E4F1: variants seen among roughly 807,000 people sequenced by gnomAD.
E4F1 encodes the protein transcription factor E4F1.
Under a neutral mutation model 72.9 loss-of-function variants are expected in E4F1, and 30 were observed. The ratio of observed to expected loss-of-function variants is 0.41; its 90% CI spans 0.31 to 0.56. The LOEUF (loss-of-function observed/expected upper bound fraction) is 0.56. Ranked by LOEUF, E4F1 falls within the 20% of genes least tolerant of loss-of-function variation. The probability of loss-of-function intolerance (pLI) is 0.25; values close to 1 mark genes in which losing one functional copy is unlikely to be tolerated. For synonymous variants in E4F1, 542 were observed against 478.2 expected, an observed-to-expected ratio of 1.13 and a Z score of -1.74; for missense variants, 1,091 against 1,117.5, an observed-to-expected ratio of 0.98 and a Z score of 0.34.
intron 2 of E4F1, among the ~76,000 whole-genome samples, chr16:2,229,248 C>G (rs924911704): frequency 5.3e-5 from 8 of 152,268 alleles, no homozygotes; most frequent in Non-Finnish European, 1.2e-4. Context: ...TGCCATTGTT[C>G]CTGCAGACTG....
intron 1 of E4F1, among the ~76,000 whole-genome samples, chr16:2,224,593 T>A (rs1234592553): frequency 1.3e-5 from 2 of 151,256 alleles, no homozygotes; most frequent in African/African-American, 4.9e-5. Flanking sequence ...ATGGAGACCA[T>A]CCTGGCCAAC....
chr16:2,229,884 G>T, intron 3 of E4F1: 1 of 560,768 alleles, frequency 1.8e-6, no homozygotes, highest in Non-Finnish European at 3.2e-6. Flanking sequence ...ACAGTGGCCG[G>T]GGGCACACCC....
chr16:2,228,334 C>T (rs369561300), intron 1 of E4F1, 38 bp from the exon 2 acceptor site: 575 of 1,612,544 alleles, frequency 3.6e-4, no homozygotes, highest in South Asian at 8.5e-4. Flanking sequence ...GCCCAGCCTC[C>T]GCCTTCCCAG....
At position 2,234,182 on chromosome 16, in the gene E4F1, T is replaced by C; in HGVS notation, c.1387T>C (p.Phe463Leu). 1.2e-6 allele frequency: 2 copies of C among 1,611,906 alleles called. No homozygotes were observed. The highest frequency in any genetic ancestry group is 4.5e-5 in the East Asian group (2 of 44,882). ...HKRGHTGPRPFACAQCGKAFP... is the reference protein window; with the variant it reads ...HKRGHTGPRPLACAQCGKAFP... ...GTGTGTGGCTGCAGGGCCGAGGCCGTTCGCCTGCGCGCAGTGTGGCAAGGC... is the reference window on the plus strand; with the variant it reads ...GTGTGTGGCTGCAGGGCCGAGGCCGCTCGCCTGCGCGCAGTGTGGCAAGGC... The change falls in exon 10 of 14, where the codon TTC becomes CTC. Residue 463 changes from phenylalanine to leucine, a missense_variant. By Grantham distance (22) the Phe-to-Leu change is conservative (BLOSUM62 0). Around this residue, in one of 5 missense-constraint regions of E4F1, gnomAD observed 622 missense variants for 628.0 expected, o/e 0.99. Coordinates refer to ENST00000301727, the MANE Select transcript of E4F1 (RefSeq NM_004424.5).
chr16:2,235,556 A>G lies in E4F1; in HGVS notation c.2339A>G (p.Gln780Arg). The change falls in exon 14 of 14, where the codon CAG (glutamine) becomes CGG (arginine). Residue 780 changes from glutamine to arginine, a missense_variant. By Grantham distance (43) the Gln-to-Arg change is conservative (BLOSUM62 1). This residue lies in a region of E4F1 where 622 missense variants were observed against 628.0 expected (regional missense o/e 0.99). Transcript: ENST00000301727. ...TCGCCGGAGGGCCAGCTGGAGGTGC[A>G]GACGGTCATCGTCTAGCATGAGGTC... ...IASPEGQLEV[Q>R]TVIV 3.8e-6 allele frequency: 6 copies of G among 1,598,298 alleles called. No individual in the cohort carries two copies. Among genetic ancestry groups the G allele is most frequent in the Non-Finnish European group, 5.1e-6 (6 of 1,170,054 alleles).
At position 2,233,907 on chromosome 16, in the gene E4F1, T is replaced by G. The variant is rs773785440; in HGVS notation, c.1292T>G (p.Val431Gly). The change falls in exon 9 of 14, where the codon GTG becomes GGG. Residue 431 changes from valine to glycine, a missense_variant. Coordinates refer to ENST00000301727, the MANE Select transcript of E4F1 (RefSeq NM_004424.5). ...ETQVASEASA[V>G]PRTHPCPQCS... ...CAGGTGGCCAGCGAGGCCTCAGCGG[T>G]GCCCAGGACCCACCCATGTCCTCAG... is the stretch of plus-strand genomic sequence containing the variant. The G allele has an allele frequency of 1.2e-6, 2 of 1,600,800 alleles. No individual in the cohort carries two copies. The highest frequency in any genetic ancestry group is 1.1e-5 in the South Asian group (1 of 89,050).
chr16:2,233,782 C>T (rs1048096936), intron 8 of E4F1, 100 bp from the exon 9 acceptor site: 2 of 1,410,412 alleles, frequency 1.4e-6, no homozygotes, highest in African/African-American at 2.9e-5. Flanking sequence ...TTCCCTGGGG[C>T]CACAAGGGAG....
Position 2,233,534 on chromosome 16 carries a change from G to A in E4F1, c.1153G>A (p.Ala385Thr), listed in dbSNP as rs141145527. ...GAACTCCGGCATCGTCCTTGAGCGCGCTGCTGGGGAGGAGGGTGCCCTGGA... is the reference window on the plus strand; with the variant it reads ...GAACTCCGGCATCGTCCTTGAGCGCACTGCTGGGGAGGAGGGTGCCCTGGA... The part of the protein sequence containing the change: ...MQNSGIVLER[A>T]AGEEGALEPA... Residue 385 changes from alanine to threonine, a missense_variant, in exon 8 of 14, where the codon GCT (alanine) becomes ACT (threonine). Physicochemically the swap from Ala to Thr is moderately conservative, Grantham distance 58. Coordinates refer to ENST00000301727, the MANE Select transcript of E4F1 (RefSeq NM_004424.5). 838 of 1,520,324 alleles carry A rather than the reference G, an allele frequency of 5.5e-4. 1 individual carries two copies. Among genetic ancestry groups the A allele is most frequent in the Non-Finnish European group, 6.7e-4 (759 of 1,134,408 alleles). 94.2% of individuals were successfully genotyped at this position (1,520,324 alleles called of 1,614,324 possible). A position where few individuals can be genotyped will look rare whatever the true frequency, so the allele number is the denominator to read the frequency against.
At chr16:2,226,399 GA>G (rs1286852497) in intron 1 of E4F1, among the ~76,000 whole-genome samples, 1 of 152,206 alleles carries the variant, frequency 6.6e-6, no homozygotes, top group Non-Finnish European at 1.5e-5. Flanking sequence ...GTGGGAAGGG[GA>G]AGAGGGTGGT....
chr16:2,223,667 G>A lies in E4F1; in HGVS notation c.54G>A (p.Gln18=). ...RVTAAHTAEA[Q]AEAGREAGEG... is the part of the protein sequence containing the mutation. ...CGGCCGCTCATACGGCAGAAGCCCA[G>A]GCCGAAGCCGGGCGGGAAGCGGGCG... The change falls in exon 1 of 14, where the codon CAG becomes CAA. Residue 18 remains glutamine (Q), a synonymous_variant. Transcript: ENST00000301727. 1 of 1,584,134 alleles carries A rather than the reference G, an allele frequency of 6.3e-7. No individual in the cohort carries two copies. Among genetic ancestry groups the A allele is most frequent in the Non-Finnish European group, 8.5e-7 (1 of 1,172,154 alleles).
At chr16:2,227,580 G>C (rs1411674566) in intron 1 of E4F1, among the ~76,000 whole-genome samples, 2 of 152,094 alleles carry the variant, frequency 1.3e-5, no homozygotes, top group Non-Finnish European at 2.9e-5. Context: ...CACGGTGTTA[G>C]CCAGGATGGT....
At chr16:2,227,253 C>T (rs181261942) in intron 1 of E4F1, among the ~76,000 whole-genome samples, 6 of 152,156 alleles carry the variant, frequency 3.9e-5, no homozygotes, top group East Asian at 1.9e-4. Context: ...TCTGTTGCCC[C>T]GGCTGGAGTG....
rs756247708 is a variant in E4F1, at chr16:2,235,323, C to A, written c.2106C>A (p.Gly702=). Residue 702 remains glycine (G), a synonymous_variant, in exon 14 of 14, where the codon GGC becomes GGA. Transcript: ENST00000301727. ...CCATGGACGAGGAGACGGCGCTGGG[C>A]CCAGAGGCGGCTGCCGCCGACACCA... ...NVTMDEETAL[G]PEAAAADTIT... is the part of the protein sequence containing the mutation. 6.2e-7 allele frequency: 1 copy of A among 1,610,644 alleles called. No individual in the cohort carries two copies. The highest frequency in any genetic ancestry group is 1.1e-5 in the South Asian group (1 of 91,082).
intron 1 of E4F1, among the ~76,000 whole-genome samples, chr16:2,224,731 C>T (rs940229893): frequency 1.3e-5 from 2 of 152,004 alleles, no homozygotes; most frequent in Non-Finnish European, 1.5e-5. Flanking sequence ...TGCGGTGAGC[C>T]GAGACCGCGC....
At chr16:2,229,857 G>A in intron 3 of E4F1, 182 bp downstream of exon 3, 1 of 624,534 alleles carries the variant, frequency 1.6e-6, no homozygotes, top group Admixed American at 2.6e-5. Context: ...TGGGCACTGG[G>A]CCTTCCTCAG....
chr16:2,223,957 C>T (rs1362218515), intron 1 of E4F1, 187 bp downstream of exon 1: 3 of 1,520,162 alleles, frequency 2.0e-6, no homozygotes, highest in East Asian at 2.5e-5. Flanking sequence ...CGGGCCTCTC[C>T]TGCGGGGCGC....
At position 2,234,920 on chromosome 16, in the gene E4F1, C is replaced by T. The variant is rs777792153; in HGVS notation, c.1854C>T (p.Thr618=). The T allele has an allele frequency of 3.2e-6, 5 of 1,557,404 alleles. No individual in the cohort carries two copies. The Admixed American group carries it at 5.8e-5, about 18-fold the overall frequency. ...LVSEDSPAAA[T]TVLTEDPHTV... ...CTGAGGACAGCCCCGCGGCAGCCACCACCGTCCTCACGGAAGACCCGCACA... is the reference window on the plus strand; with the variant it reads ...CTGAGGACAGCCCCGCGGCAGCCACTACCGTCCTCACGGAAGACCCGCACA... Residue 618 remains threonine, a synonymous_variant, in exon 12 of 14, where the codon ACC becomes ACT. Coordinates refer to ENST00000301727, the MANE Select transcript of E4F1 (RefSeq NM_004424.5).
In E4F1 at chr16:2,233,923, A is replaced by G. The variant is rs368381184; in HGVS notation, c.1308A>G (p.Pro436=). 2.5e-6 allele frequency: 4 copies of G among 1,603,946 alleles called. No homozygotes were observed. The highest frequency in any genetic ancestry group is 2.2e-5 in the East Asian group (1 of 44,452). The part of the protein sequence containing the change: ...SEASAVPRTH[P]CPQCSETFPT... ...CCTCAGCGGTGCCCAGGACCCACCCATGTCCTCAGTGCAGTGAGACCTTCC... is the reference window on the plus strand; with the variant it reads ...CCTCAGCGGTGCCCAGGACCCACCCGTGTCCTCAGTGCAGTGAGACCTTCC... The change falls in exon 9 of 14, where the codon CCA becomes CCG. Residue 436 remains proline, a synonymous_variant. Coordinates refer to ENST00000301727, the MANE Select transcript of E4F1 (RefSeq NM_004424.5).
rs371734250 is a variant in E4F1, at chr16:2,235,477, G to A, written c.2260G>A (p.Val754Met). ...CACTGAACAGGCCACTGTGACCATG[G>A]TGTCATCAGAGGACATCGAGATCCT... Reference protein sequence around the residue: ...SGTEQATVTMVSSEDIEILEH... With the variant: ...SGTEQATVTMMSSEDIEILEH... Residue 754 changes from valine (V) to methionine (M), a missense_variant, in exon 14 of 14, where the codon GTG (valine) becomes ATG (methionine). Val to Met is a conservative substitution (Grantham distance 21). Around this residue, in one of 5 missense-constraint regions of E4F1, gnomAD observed 622 missense variants for 628.0 expected, o/e 0.99. Coordinates refer to ENST00000301727, the MANE Select transcript of E4F1 (RefSeq NM_004424.5). 14 of 1,612,254 alleles carry A rather than the reference G, an allele frequency of 8.7e-6. No homozygotes were observed. In the African/African-American group the frequency reaches 1.7e-4, roughly 20 times the overall value.
Sources: allele counts gnomAD v4.1 joint callset (sites outside exome capture counted in the v4.1 genomes callset), GRCh38; gene constraint gnomAD v4.1.1; regional missense constraint gnomAD v4.1.1; transcripts MANE v1.5; gene names NCBI Gene and HGNC (gene_info 2026-07-23, HGNC 2026-07-21).